Variants in ZNF423 observed in about 807,000 individuals in gnomAD.
ZNF423 encodes the protein Ebf-associated zinc finger protein.
A neutral mutation model predicts 95.8 loss-of-function variants in ZNF423; 12 were observed. The observed-to-expected ratio is 0.13, with a 90% confidence interval of 0.08 to 0.20. The LOEUF is 0.20. Among genes scored for constraint, ZNF423 ranks in the 10% least tolerant of loss-of-function variants. The pLI is 1.00. For missense variants in ZNF423, 1,316 were observed against 1,737.1 expected (o/e 0.76, Z 4.31); for synonymous variants, 749 against 711.9 (o/e 1.05, Z -0.83).
At chr16:49,805,500 G>C (rs191892029) in intron 1 of ZNF423, among the ~76,000 whole-genome samples, 84 of 152,336 alleles carry the variant, frequency 5.5e-4, no homozygotes, top group African/African-American at 2.0e-3. Flanking sequence ...ACATGGCTCT[G>C]AAGTTCACCA....
rs183348845 is a variant in ZNF423, at chr16:49,841,751, C to A, written c.40+13984G>T. 1.3e-3 allele frequency among the ~76,000 whole-genome samples: 195 copies of A among 152,356 alleles called. 1 individual carries two copies. Among genetic ancestry groups the A allele is most frequent in the African/African-American group, 4.5e-3 (189 of 41,588 alleles). On this transcript the variant is annotated intron_variant, in intron 1 of 7. Transcript: ENST00000563137. ...CTCTGGCCTCCAGGCTTCCTGAGGA[C>A]GTGGCCTCCTCTGCGTTCTCTCTGC...
At chr16:49,532,875 G>A (rs1365031528) in intron 5 of ZNF423, among the ~76,000 whole-genome samples, 1 of 152,080 alleles carries the variant, frequency 6.6e-6, no homozygotes, top group Non-Finnish European at 1.5e-5. Context: ...CAATGCTGTC[G>A]ACACCGCAAT....
At chr16:49,663,711 A>T (rs908598110) in intron 3 of ZNF423, among the ~76,000 whole-genome samples, 25 of 152,070 alleles carry the variant, frequency 1.6e-4, no homozygotes, top group Non-Finnish European at 3.5e-4. Context: ...TCCCCACGGG[A>T]GACAGAGGGG....
At chr16:49,823,017 C>T (rs1474323657) in intron 1 of ZNF423, among the ~76,000 whole-genome samples, 1 of 152,196 alleles carries the variant, frequency 6.6e-6, no homozygotes, top group Non-Finnish European at 1.5e-5. Flanking sequence ...AAGGCATCCT[C>T]ACCTTCTCTT....
rs1298471981 is a variant in ZNF423, at chr16:49,811,518, G to A, written c.41-21972C>T. Among the ~76,000 whole-genome samples, 6 of 152,214 alleles carry A rather than the reference G, an allele frequency of 3.9e-5. No individual in the cohort carries two copies. In the East Asian group the frequency reaches 1.2e-3, roughly 29 times the overall value. On this transcript the variant is annotated intron_variant, in intron 1 of 7. Coordinates refer to ENST00000563137, the MANE Select transcript of ZNF423 (RefSeq NM_001379286.1). ...GAGGCCAGAGATCTGAATATTTATA[G>A]GAACCATTCCAATTTTAAGACAGGC...
chr16:49,801,067 C>T (rs1003100855), intron 1 of ZNF423, among the ~76,000 whole-genome samples: 20 of 152,370 alleles, frequency 1.3e-4, no homozygotes, highest in Non-Finnish European at 2.2e-4. Context: ...CAGGAACCCA[C>T]GTGAATTAAA....
intron 1 of ZNF423, among the ~76,000 whole-genome samples, chr16:49,828,782 T>C (rs1490955415): frequency 6.6e-6 from 1 of 152,216 alleles, no homozygotes; most frequent in Non-Finnish European, 1.5e-5. Flanking sequence ...AAGGCCATCA[T>C]CTGTCCCACA....
Position 49,637,820 on chromosome 16 carries a change from C to G in ZNF423, c.1356G>C (p.Gln452His), listed in dbSNP as rs772695658. The G allele has an allele frequency of 1.9e-6, 3 of 1,614,194 alleles. No individual in the cohort carries two copies. The highest frequency in any genetic ancestry group is 2.5e-6 in the Non-Finnish European group (3 of 1,180,038). ...GGGTGGGCATGGAGTCCAGGCAGAT[C>G]TGACATGTGTGGCTCTGCTGGGGCT... ...ADKPQQSHTC[Q>H]ICLDSMPTLY... The change falls in exon 4 of 8, where the codon CAG becomes CAC. Residue 452 changes from glutamine (Q) to histidine (H), a missense_variant. Gln to His is a conservative substitution (Grantham distance 24). This residue lies in a region of ZNF423 where 399 missense variants were observed against 478.5 expected (regional missense o/e 0.83). Transcript: ENST00000563137. This position sits in a 1 kb window ranked among gnomAD's most constrained non-coding sequence, Gnocchi z 5.6.
At chr16:49,499,296 A>T (rs1967292322) in intron 7 of ZNF423, among the ~76,000 whole-genome samples, 1 of 152,230 alleles carries the variant, frequency 6.6e-6, no homozygotes, top group Non-Finnish European at 1.5e-5. Context: ...ACAGTGAGGC[A>T]GCCTGTCGTC....
intron 5 of ZNF423, among the ~76,000 whole-genome samples, chr16:49,596,232 T>G (rs1311782482): frequency 6.6e-6 from 1 of 152,140 alleles, no homozygotes; most frequent in African/African-American, 2.4e-5. Context: ...TCCGGCAAGT[T>G]TTAAAGGGAA....
intron 1 of ZNF423, among the ~76,000 whole-genome samples, chr16:49,851,185 G>T (rs2144125262): frequency 6.6e-6 from 1 of 152,318 alleles, no homozygotes; most frequent in Non-Finnish European, 1.5e-5. Context: ...TTGAACAGGT[G>T]CCGTTCACTT....
intron 5 of ZNF423, among the ~76,000 whole-genome samples, chr16:49,619,103 T>G (rs1971973605): frequency 6.6e-6 from 1 of 152,186 alleles, no homozygotes; most frequent in Non-Finnish European, 1.5e-5. Context: ...ACCTTACTTC[T>G]TATACTCTGA....
intron 7 of ZNF423, among the ~76,000 whole-genome samples, chr16:49,502,075 C>A (rs1250658574): frequency 1.3e-5 from 2 of 152,138 alleles, no homozygotes; most frequent in Admixed American, 1.3e-4. Context: ...CATAAACTTT[C>A]TTGATGTTTA....
At chr16:49,522,212 C>T (rs775503960) in intron 7 of ZNF423, among the ~76,000 whole-genome samples, 4 of 152,294 alleles carry the variant, frequency 2.6e-5, no homozygotes, top group Non-Finnish European at 5.9e-5. Flanking sequence ...CTTAGGGCTC[C>T]CTTCTCCTTC....
chr16:49,705,397 C>T (rs1233312086), intron 3 of ZNF423, among the ~76,000 whole-genome samples: 1 of 152,102 alleles, frequency 6.6e-6, no homozygotes, highest in Non-Finnish European at 1.5e-5. Flanking sequence ...CTGTTTACAA[C>T]CTATGGGTAA....
At chr16:49,825,467 G>C (rs1344458036) in intron 1 of ZNF423, among the ~76,000 whole-genome samples, 1 of 149,648 alleles carries the variant, frequency 6.7e-6, no homozygotes, top group Non-Finnish European at 1.5e-5. Flanking sequence ...TTTTTTCCTG[G>C]TGTCACTTTG....
At chr16:49,717,042 G>A (rs544220065) in intron 3 of ZNF423, among the ~76,000 whole-genome samples, 3 of 151,964 alleles carry the variant, frequency 2.0e-5, no homozygotes, top group South Asian at 2.1e-4. Flanking sequence ...CTCCTCCCCC[G>A]CCACCCTCTG....
chr16:49,654,236 A>C (rs1252005545), intron 3 of ZNF423, among the ~76,000 whole-genome samples: 2 of 152,192 alleles, frequency 1.3e-5, no homozygotes, highest in Non-Finnish European at 2.9e-5. Flanking sequence ...CATTCAGGCC[A>C]TGGTGGTCAC....
chr16:49,726,267 C>T (rs2033011512), intron 3 of ZNF423, among the ~76,000 whole-genome samples: 1 of 152,170 alleles, frequency 6.6e-6, no homozygotes, highest in South Asian at 2.1e-4. Context: ...CAGGGGTCAA[C>T]ATAAATTGCA....
Sources: allele counts gnomAD v4.1 joint callset (sites outside exome capture counted in the v4.1 genomes callset), GRCh38; gene constraint gnomAD v4.1.1; regional missense constraint gnomAD v4.1.1; non-coding constraint Gnocchi (gnomAD v3.1); transcripts MANE v1.5; gene names NCBI Gene and HGNC (gene_info 2026-07-23, HGNC 2026-07-21).